HSPA12A: variants seen among roughly 807,000 people sequenced by gnomAD.
HSPA12A encodes the protein heat shock 70 kDa protein 12A.
A neutral mutation model predicts 69.2 loss-of-function variants in HSPA12A; 28 were observed. That is an observed-to-expected ratio of 0.40 (90% CI 0.30 to 0.55). The LOEUF is 0.55. Among genes scored for constraint, HSPA12A ranks in the 20% least tolerant of loss-of-function variants. The pLI, the probability that HSPA12A is intolerant of heterozygous loss-of-function variation, is 0.38. For synonymous variants in HSPA12A, 345 were observed against 370.5 expected (o/e 0.93, Z 0.79); for missense variants, 686 against 900.7 (o/e 0.76, Z 3.05).
rs538296046 is a variant in HSPA12A, at chr10:116,721,376, G to A, written c.41-14091C>T. ...GCATCTCCCAGGTCTCCTCCACAGA[G>A]CACAGGATCCAGAGGTCACCCAGAG... On this transcript the variant is annotated intron_variant, in intron 1 of 11. Transcript: ENST00000369209. Among the ~76,000 whole-genome samples, 9 of 152,254 alleles carry A rather than the reference G, an allele frequency of 5.9e-5. No individual in the cohort carries two copies. In the South Asian group the frequency reaches 1.7e-3, roughly 28 times the overall value.
At chr10:116,792,425 C>T (rs2133154320) in intron 2 of HSPA12A, among the ~76,000 whole-genome samples, 1 of 151,944 alleles carries the variant, frequency 6.6e-6, no homozygotes. Flanking sequence ...CCTTCCAGAA[C>T]TAATGATAAC....
chr10:116,673,991 GA>G lies in HSPA12A; in HGVS notation c.*789del, dbSNP rs1554877135. The G allele has an allele frequency of 1.3e-5, 2 of 152,286 alleles. No individual in the cohort carries two copies. The highest frequency in any genetic ancestry group is 1.3e-4 in the Admixed American group (2 of 15,294). The allele number at this position is 152,286 out of a possible 1,614,324, so 9.4% of individuals were successfully genotyped here. A position where few individuals can be genotyped will look rare whatever the true frequency, so the allele number is the denominator to read the frequency against. ...TTCACTAGAATTACTTATGAACTCAGAAATCAGGGCTGGGCATGCTGGGAAT... is the reference window on the plus strand; with the variant it reads ...TTCACTAGAATTACTTATGAACTCAGAATCAGGGCTGGGCATGCTGGGAAT... On this transcript the variant is annotated 3_prime_UTR_variant, in exon 12 of 12. Transcript: ENST00000369209.
At chr10:116,754,711 G>T (rs772600867) in intron 2 of HSPA12A, among the ~76,000 whole-genome samples, 3 of 152,166 alleles carry the variant, frequency 2.0e-5, no homozygotes, top group Non-Finnish European at 2.9e-5. Context: ...GATCTTGTCA[G>T]TAATTTATTT....
chr10:116,698,722 T>C lies in HSPA12A; in HGVS notation c.459A>G (p.Thr153=), dbSNP rs1849990019. 2 of 1,613,874 alleles carry C rather than the reference T, an allele frequency of 1.2e-6. No homozygotes were observed. Among genetic ancestry groups the C allele is most frequent in the Non-Finnish European group, 1.7e-6 (2 of 1,179,746 alleles). Residue 153 remains threonine (T), a synonymous_variant, in exon 5 of 12, where the codon ACA becomes ACG. Transcript: ENST00000369209. The stretch of plus-strand genomic sequence containing the variant: ...TCTTGCCATTTGCTGCCGTCAGGTC[T>C]GTATCCATGGTGAGGTCCTGGTAGG... ...LHTTGDLTMD[T]DLTAANGKKV...
At chr10:116,834,630 C>T (rs1357209742) in intron 2 of HSPA12A, among the ~76,000 whole-genome samples, 2 of 152,168 alleles carry the variant, frequency 1.3e-5, no homozygotes, top group African/African-American at 4.8e-5. Flanking sequence ...GTAGGCTACC[C>T]GGATGCTAGG....
At chr10:116,769,640 T>G (rs1554890178) in intron 2 of HSPA12A, among the ~76,000 whole-genome samples, 2 of 152,344 alleles carry the variant, frequency 1.3e-5, no homozygotes, top group South Asian at 2.1e-4. Context: ...AGTGCAGGAC[T>G]TAGAGCACTT....
chr10:116,809,987 C>T (rs1169282255), intron 2 of HSPA12A, among the ~76,000 whole-genome samples: 1 of 152,138 alleles, frequency 6.6e-6, no homozygotes, highest in East Asian at 1.9e-4. Flanking sequence ...TTATGCAAGG[C>T]TATGTGGACC....
intron 2 of HSPA12A, among the ~76,000 whole-genome samples, chr10:116,754,943 A>G (rs1843800265): frequency 6.6e-6 from 1 of 152,130 alleles, no homozygotes; most frequent in African/African-American, 2.4e-5. Context: ...AAAGAAAACA[A>G]CTATATTTAT....
intron 2 of HSPA12A, among the ~76,000 whole-genome samples, chr10:116,797,408 A>G (rs997628893): frequency 6.6e-6 from 1 of 151,966 alleles, no homozygotes; most frequent in Non-Finnish European, 1.5e-5. Flanking sequence ...GTTCCTTACA[A>G]TTGTTTGTCA....
chr10:116,702,872 C>T (rs1266959959), intron 3 of HSPA12A, among the ~76,000 whole-genome samples: 3 of 152,214 alleles, frequency 2.0e-5, no homozygotes, highest in Non-Finnish European at 4.4e-5. Flanking sequence ...ACTAAGGTAT[C>T]TCCTCTAGAG....
rs1213995883 is a variant in HSPA12A, at chr10:116,729,569, C to T, written c.40+12861G>A. On this transcript the variant is annotated intron_variant, in intron 1 of 11. Coordinates refer to ENST00000369209, the MANE Select transcript of HSPA12A (RefSeq NM_025015.3). ...TGTTGATCAGAAGCCTTAACAATAACATAAACAGTCAATTAACACATTATT... is the reference window on the plus strand; with the variant it reads ...TGTTGATCAGAAGCCTTAACAATAATATAAACAGTCAATTAACACATTATT... Among the ~76,000 whole-genome samples the T allele has an allele frequency of 3.3e-5, 5 of 152,116 alleles. No homozygotes were observed. The East Asian group carries it at 5.8e-4, about 18-fold the overall frequency.
Position 116,675,535 on chromosome 10 carries a change from G to T in HSPA12A, c.1391-117C>A. 1 of 1,063,080 alleles carries T rather than the reference G, an allele frequency of 9.4e-7. No individual in the cohort carries two copies. Among genetic ancestry groups the T allele is most frequent in the Non-Finnish European group, 1.3e-6 (1 of 747,800 alleles). The allele number at this position is 1,063,080 out of a possible 1,614,324, so 65.9% of individuals were successfully genotyped here. The stretch of plus-strand genomic sequence containing the variant: ...AGCCACTTGGGCCACTGGGAGGGCA[G>T]GCTTACTCTGAGCTCCTTGAACAGA... On this transcript the variant is annotated intron_variant, in intron 11 of 11. Transcript: ENST00000369209. This position sits in a 1 kb window ranked among gnomAD's most constrained non-coding sequence, Gnocchi z 5.2.
intron 1 of HSPA12A, among the ~76,000 whole-genome samples, chr10:116,730,853 T>C (rs548878167): frequency 1.3e-5 from 2 of 152,366 alleles, no homozygotes; most frequent in East Asian, 3.9e-4. Flanking sequence ...CAAGGGCCTC[T>C]GTACAGCCTA....
At chr10:116,805,003 T>G (rs1331607942) in intron 2 of HSPA12A, among the ~76,000 whole-genome samples, 1 of 152,208 alleles carries the variant, frequency 6.6e-6, no homozygotes, top group Non-Finnish European at 1.5e-5. Flanking sequence ...GTAAATTTAA[T>G]GGACACTTCC....
chr10:116,771,233 A>G (rs1475841690), intron 2 of HSPA12A, among the ~76,000 whole-genome samples: 5 of 152,214 alleles, frequency 3.3e-5, no homozygotes, highest in Non-Finnish European at 5.9e-5. Flanking sequence ...CCCCAGTGAC[A>G]CGCTCTGAAG....
Position 116,683,957 on chromosome 10 carries a change from G to T in HSPA12A, c.669C>A (p.Gly223=). The change falls in exon 7 of 12, where the codon GGC becomes GGA. Residue 223 remains glycine (G), a synonymous_variant. Coordinates refer to ENST00000369209, the MANE Select transcript of HSPA12A (RefSeq NM_025015.3). The part of the protein sequence containing the change: ...QFMRQAAYQA[G]LASPENSEQL... Reference sequence around the variant, plus strand: ...GCTCCGAGTTCTCGGGGGAGGCCAGGCCTGCCTGGAAGACAGAAACAGAGG... The same window carrying T: ...GCTCCGAGTTCTCGGGGGAGGCCAGTCCTGCCTGGAAGACAGAAACAGAGG... 1 of 1,571,360 alleles carries T rather than the reference G, an allele frequency of 6.4e-7. No homozygotes were observed.
chr10:116,730,945 T>C (rs1589668219), intron 1 of HSPA12A, among the ~76,000 whole-genome samples: 1 of 152,182 alleles, frequency 6.6e-6, no homozygotes, highest in East Asian at 1.9e-4. Context: ...CAACGTTTCC[T>C]GGGGGAGAAG....
rs1554884605 is a variant in HSPA12A at position 116,723,186 on chromosome 10, C to T, written c.41-15901G>A. On this transcript the variant is annotated intron_variant, in intron 1 of 11. Coordinates refer to ENST00000369209, the MANE Select transcript of HSPA12A (RefSeq NM_025015.3). This position sits in a 1 kb window ranked among gnomAD's most constrained non-coding sequence, Gnocchi z 4.1. The stretch of plus-strand genomic sequence containing the variant: ...ATGCAGCTGTTTAACCAATCAGATA[C>T]CTCCATTACCCCCTAACCATTGCCC... Among the ~76,000 whole-genome samples, 1 of 152,000 alleles carries T rather than the reference C, an allele frequency of 6.6e-6. No homozygotes were observed. The highest frequency in any genetic ancestry group is 1.5e-5 in the Non-Finnish European group (1 of 67,980).
intron 2 of HSPA12A, among the ~76,000 whole-genome samples, chr10:116,783,256 G>A (rs1401219339): frequency 6.6e-6 from 1 of 152,210 alleles, no homozygotes; most frequent in African/African-American, 2.4e-5. Context: ...AGGCTTTGAT[G>A]AGGAGGTGAC....
Sources: allele counts gnomAD v4.1 joint callset (sites outside exome capture counted in the v4.1 genomes callset), GRCh38; gene constraint gnomAD v4.1.1; non-coding constraint Gnocchi (gnomAD v3.1); transcripts MANE v1.5; gene names NCBI Gene and HGNC (gene_info 2026-07-23, HGNC 2026-07-21).